SESN1: variants seen among roughly 807,000 people sequenced by gnomAD.
The protein encoded by SESN1 is sestrin 1, also known as sestrin-1.
SESN1 carries 30 observed loss-of-function variants against 59.3 expected under a neutral mutation model. The ratio of observed to expected loss-of-function variants is 0.51; its 90% CI spans 0.38 to 0.69. SESN1 has a LOEUF of 0.69. Among genes scored for constraint, SESN1 ranks in the 30% least tolerant of loss-of-function variants. SESN1 has a pLI of 0.00. For synonymous variants in SESN1, 197 were observed against 219.9 expected, an observed-to-expected ratio of 0.90 and a Z score of 0.92; for missense variants, 566 against 673.0, an observed-to-expected ratio of 0.84 and a Z score of 1.76.
Position 108,992,100 on chromosome 6 carries a change from CTTAT to C in SESN1, c.1233+683_1233+686del, listed in dbSNP as rs1366638612. Among the ~76,000 whole-genome samples, 8 of 151,722 alleles carry C rather than the reference CTTAT, an allele frequency of 5.3e-5. 1 individual carries two copies. Among genetic ancestry groups the C allele is most frequent in the Non-Finnish European group, 1.0e-4 (7 of 67,904 alleles). On this transcript the variant is annotated intron_variant, in intron 7 of 9. Coordinates refer to ENST00000436639, the MANE Select transcript of SESN1 (RefSeq NM_014454.3). The stretch of plus-strand genomic sequence containing the variant: ...CTTGTGCCTAAATTTTGCCCCTTAG[CTTAT>C]TTATTATTTTTTGAGACAGGATCCC...
chr6:108,994,832 A>G (rs895850567), intron 5 of SESN1, among the ~76,000 whole-genome samples: 2 of 150,968 alleles, frequency 1.3e-5, no homozygotes, highest in Non-Finnish European at 2.9e-5. Flanking sequence ...CCTCCCGAGT[A>G]GCTGGGACTA....
intron 1 of SESN1, among the ~76,000 whole-genome samples, chr6:109,030,411 T>G (rs948986470): frequency 1.3e-5 from 2 of 152,232 alleles, no homozygotes; most frequent in Non-Finnish European, 2.9e-5. Context: ...TTCCTATGCA[T>G]GCAGAGTATA....
In SESN1 at chr6:109,041,133, T is replaced by C. The variant is rs185397906; in HGVS notation, c.280-38790A>G. On this transcript the variant is annotated intron_variant, in intron 1 of 9. Transcript: ENST00000436639. ...CTGGGCAACATAGTGGGACCCTGTT[T>C]CTATTAAAAAAAAAAAAAACAAACC... 2.7e-5 allele frequency among the ~76,000 whole-genome samples: 4 copies of C among 146,728 alleles called. No homozygotes were observed. In the East Asian group the frequency reaches 8.0e-4, roughly 29 times the overall value.
In SESN1 at chr6:109,000,533, C is replaced by G. The variant is rs752393080; in HGVS notation, c.687G>C (p.Val229=). ...KLQNLGELNK[V]LAHRPWLITK... ...TAATAAGCCAAGGTCTATGGGCTAA[C>G]ACTTTGTTAAGTTCTCCTAAATTCT... The change falls in exon 4 of 10, where the codon GTG becomes GTC. Residue 229 remains valine (V), a synonymous_variant. Coordinates refer to ENST00000436639, the MANE Select transcript of SESN1 (RefSeq NM_014454.3). The G allele has an allele frequency of 6.2e-7, 1 of 1,610,570 alleles. No individual in the cohort carries two copies. The highest frequency in any genetic ancestry group is 8.5e-7 in the Non-Finnish European group (1 of 1,178,142).
intron 1 of SESN1, among the ~76,000 whole-genome samples, chr6:109,010,184 T>G (rs1256137880): frequency 1.3e-5 from 2 of 152,174 alleles, no homozygotes; most frequent in Non-Finnish European, 2.9e-5. Flanking sequence ...ATTTCTAATA[T>G]TCCTTCATAA....
chr6:108,998,516 A>C lies in SESN1; in HGVS notation c.969T>G (p.Val323=), dbSNP rs1340843360. ...TCTCATGACAAATAATACTTACAGAAACATTTTCTGCTGAGTTGACCGGCA... is the reference window on the plus strand; with the variant it reads ...TCTCATGACAAATAATACTTACAGACACATTTTCTGCTGAGTTGACCGGCA... The part of the protein sequence containing the change: ...DEMPVNSAEN[V]SVSDSFFEVE... Residue 323 remains valine (V), a synonymous_variant, in exon 5 of 10, where the codon GTT becomes GTG. Coordinates refer to ENST00000436639, the MANE Select transcript of SESN1 (RefSeq NM_014454.3). 6.2e-7 allele frequency: 1 copy of C among 1,613,734 alleles called. No homozygotes were observed. The highest frequency in any genetic ancestry group is 1.3e-5 in the African/African-American group (1 of 75,048).
chr6:109,002,456 GGTTT>G, intron 1 of SESN1, 113 bp from the exon 2 acceptor site: 2 of 795,954 alleles, frequency 2.5e-6, no homozygotes, highest in Non-Finnish European at 4.2e-6. Flanking sequence ...TTGTTTTGAT[GGTTT>G]GTTTTCATGG....
intron 1 of SESN1, among the ~76,000 whole-genome samples, chr6:109,071,200 C>G (rs923779754): frequency 6.6e-6 from 1 of 152,136 alleles, no homozygotes; most frequent in Non-Finnish European, 1.5e-5. Context: ...GAGCTTATAA[C>G]CTACTAGGGC....
chr6:109,050,388 TAA>T (rs571788136), intron 1 of SESN1, among the ~76,000 whole-genome samples: 42 of 134,052 alleles, frequency 3.1e-4, no homozygotes, highest in African/African-American at 9.4e-4. Context: ...TTTAAATTGT[TAA>T]AAAAAAAAAA....
At chr6:109,004,764 T>A (rs1779696407) in intron 1 of SESN1, among the ~76,000 whole-genome samples, 1 of 144,952 alleles carries the variant, frequency 6.9e-6, no homozygotes, top group Non-Finnish European at 1.5e-5. Context: ...AACAACACAG[T>A]TCAAGGAAAA....
At chr6:109,078,849 A>T (rs1781072865) in intron 1 of SESN1, among the ~76,000 whole-genome samples, 2 of 152,348 alleles carry the variant, frequency 1.3e-5, no homozygotes, top group East Asian at 3.9e-4. Context: ...TTCAGGAAAA[A>T]AAATAACAAC....
At chr6:109,067,269 G>C (rs1173880554) in intron 1 of SESN1, among the ~76,000 whole-genome samples, 2 of 152,080 alleles carry the variant, frequency 1.3e-5, no homozygotes. Context: ...TGTCACTGCA[G>C]GTCCTCCACA....
At chr6:109,020,701 T>C (rs540340172) in intron 1 of SESN1, among the ~76,000 whole-genome samples, 14 of 152,314 alleles carry the variant, frequency 9.2e-5, no homozygotes, top group African/African-American at 2.9e-4. Context: ...ATCACTGTTA[T>C]ATTTAGCACA....
At position 109,033,883 on chromosome 6, in the gene SESN1, T is replaced by C. The variant is rs561220432; in HGVS notation, c.280-31540A>G. The stretch of plus-strand genomic sequence containing the variant: ...GTTTCTGTTAGTGATAAGATGACAA[T>C]CAGATGGACTTAAGCATTCGTAAAG... On this transcript the variant is annotated intron_variant, in intron 1 of 9. Coordinates refer to ENST00000436639, the MANE Select transcript of SESN1 (RefSeq NM_014454.3). 2.6e-5 allele frequency among the ~76,000 whole-genome samples: 4 copies of C among 152,292 alleles called. No homozygotes were observed. In the East Asian group the frequency reaches 5.8e-4, roughly 22 times the overall value.
At chr6:109,019,343 A>G (rs952520059) in intron 1 of SESN1, among the ~76,000 whole-genome samples, 16 of 152,298 alleles carry the variant, frequency 1.1e-4, no homozygotes, top group Admixed American at 8.5e-4. Context: ...GAATGCTCCA[A>G]TAATTTCAAC....
intron 1 of SESN1, among the ~76,000 whole-genome samples, chr6:109,092,207 G>A (rs900732337): frequency 3.9e-5 from 6 of 152,152 alleles, no homozygotes; most frequent in African/African-American, 1.4e-4. Context: ...ATATACCAGA[G>A]TACTTTACAT....
At chr6:109,090,348 T>A (rs763282555) in intron 1 of SESN1, among the ~76,000 whole-genome samples, 1 of 152,142 alleles carries the variant, frequency 6.6e-6, no homozygotes. Context: ...CACTTGACCC[T>A]TGAACAACAA....
chr6:109,053,046 ATGTGTG>A (rs148045407), intron 1 of SESN1, among the ~76,000 whole-genome samples: 8 of 147,412 alleles, frequency 5.4e-5, no homozygotes, highest in South Asian at 4.2e-4. Flanking sequence ...CAAGACTAGG[ATGTGTG>A]TGTGTGTGTG....
At position 108,998,719 on chromosome 6, in the gene SESN1, C is replaced by T. The variant is rs1376515862; in HGVS notation, c.766G>A (p.Ala256Thr). Residue 256 changes from alanine (A) to threonine (T), a missense_variant, in exon 5 of 10, where the codon GCG becomes ACG. Coordinates refer to ENST00000436639, the MANE Select transcript of SESN1 (RefSeq NM_014454.3). ...AAAACTACTGCATGTACCAATTCCG[C>T]AAGGGACCAGCTGTGCTCTTCAGCT... is the stretch of plus-strand genomic sequence containing the variant. ...LKAEEHSWSL[A>T]ELVHAVVLLT... is the part of the protein sequence containing the mutation. The T allele has an allele frequency of 6.2e-6, 10 of 1,613,398 alleles. No individual in the cohort carries two copies. The highest frequency in any genetic ancestry group is 8.5e-6 in the Non-Finnish European group (10 of 1,179,662).
Sources: allele counts gnomAD v4.1 joint callset (sites outside exome capture counted in the v4.1 genomes callset), GRCh38; gene constraint gnomAD v4.1.1; transcripts MANE v1.5; gene names NCBI Gene and HGNC (gene_info 2026-07-23, HGNC 2026-07-21).